MREG: variants seen among roughly 807,000 people sequenced by gnomAD.
MREG encodes dilute suppressor protein homolog.
Under a neutral mutation model 28.5 loss-of-function variants are expected in MREG, and 31 were observed. The ratio of observed to expected loss-of-function variants is 1.09; its 90% confidence interval spans 0.82 to 1.47. The LOEUF (loss-of-function observed/expected upper bound fraction) is 1.47. Ranked by LOEUF, MREG falls within the 40% of genes most tolerant of loss-of-function variation. The pLI, the probability that MREG is intolerant of heterozygous loss-of-function variation, is 0.00. For synonymous variants in MREG, 106 were observed against 95.2 expected (o/e 1.11, Z -0.66); for missense variants, 256 against 257.4 (o/e 0.99, Z 0.04).
At chr2:215,941,907 G>C (rs1304703717), downstream of MREG, among the ~76,000 whole-genome samples, 1 of 152,134 alleles carries the variant, frequency 6.6e-6, no homozygotes, top group Non-Finnish European at 1.5e-5. Flanking sequence ...TTGGGCCTCT[G>C]TTCTTCCATG....
downstream of MREG, chr2:215,941,555 G>A (rs1314501183): frequency 6.6e-6 from 1 of 152,148 alleles, no homozygotes; most frequent in African/African-American, 2.4e-5. Flanking sequence ...TAACCATAGG[G>A]ACATCATTGC....
chr2:215,975,881 T>C (rs1693243207), intron 2 of MREG, among the ~76,000 whole-genome samples: 1 of 151,192 alleles, frequency 6.6e-6, no homozygotes, highest in Admixed American at 6.6e-5. Context: ...AGGTCAGGAG[T>C]TCAAGACCAG....
chr2:216,033,289 A>G (rs1300341537), upstream of MREG, among the ~76,000 whole-genome samples: 1 of 152,154 alleles, frequency 6.6e-6, no homozygotes, highest in Non-Finnish European at 1.5e-5. Context: ...TTTCTTAAAT[A>G]AAAAATAATA....
chr2:215,976,334 T>G (rs1342189751), intron 2 of MREG, among the ~76,000 whole-genome samples: 2 of 152,200 alleles, frequency 1.3e-5, no homozygotes, highest in Non-Finnish European at 2.9e-5. Context: ...ATACATCCCT[T>G]GCTCTTAGCC....
intron 1 of MREG, among the ~76,000 whole-genome samples, chr2:216,031,778 T>C (rs1574667697): frequency 6.6e-6 from 1 of 152,166 alleles, no homozygotes; most frequent in Non-Finnish European, 1.5e-5. Context: ...CATACCAGCC[T>C]ACCTCCACTT....
chr2:215,955,386 T>C (rs940381400), intron 2 of MREG, among the ~76,000 whole-genome samples: 1 of 152,234 alleles, frequency 6.6e-6, no homozygotes, highest in Non-Finnish European at 1.5e-5. Flanking sequence ...TTGAAAAGCA[T>C]TAAGCTCCCA....
chr2:215,998,589 A>G (rs182954394), intron 1 of MREG, among the ~76,000 whole-genome samples: 93 of 152,348 alleles, frequency 6.1e-4, no homozygotes, highest in African/African-American at 2.0e-3. Context: ...GCTCAGGCAC[A>G]CTATGCTCAG....
chr2:216,007,728 C>A (rs1247712264), intron 1 of MREG, among the ~76,000 whole-genome samples: 1 of 135,008 alleles, frequency 7.4e-6, no homozygotes, highest in Non-Finnish European at 1.6e-5. Context: ...CTGCACCCAA[C>A]CCCCACTTAG....
chr2:215,977,037 C>T (rs1358013057), intron 2 of MREG, among the ~76,000 whole-genome samples: 1 of 152,118 alleles, frequency 6.6e-6, no homozygotes, highest in East Asian at 1.9e-4. Flanking sequence ...CAATATTAAC[C>T]TTAAATGTAA....
At chr2:215,957,869 A>C (rs1574599286) in intron 2 of MREG, among the ~76,000 whole-genome samples, 1 of 152,110 alleles carries the variant, frequency 6.6e-6, no homozygotes, top group East Asian at 1.9e-4. Context: ...ATGTCCAACA[A>C]TGATAGACTG....
chr2:215,972,760 A>T (rs1343121944), intron 2 of MREG, among the ~76,000 whole-genome samples: 2 of 152,180 alleles, frequency 1.3e-5, no homozygotes, highest in Non-Finnish European at 2.9e-5. Flanking sequence ...TATGTCCATT[A>T]TACCTCAATA....
intron 2 of MREG, among the ~76,000 whole-genome samples, chr2:215,951,278 C>T (rs1035678022): frequency 2.6e-5 from 4 of 152,170 alleles, no homozygotes; most frequent in African/African-American, 9.7e-5. Flanking sequence ...TACATCTCTC[C>T]ATAACTAAAG....
At chr2:215,975,674 T>C (rs6757072) in intron 2 of MREG, among the ~76,000 whole-genome samples, 8,234 of 152,234 alleles carry the variant, frequency 0.054, 466 homozygotes, top group African/African-American at 0.14. Context: ...TTCTGTACCT[T>C]CAGTCAGCTT....
chr2:215,982,972 A>G (rs949589299), intron 2 of MREG, among the ~76,000 whole-genome samples: 6 of 152,200 alleles, frequency 3.9e-5, no homozygotes, highest in African/African-American at 1.4e-4. Flanking sequence ...CTTGATTCTC[A>G]GATCCTAGTA....
At chr2:215,961,248 T>C (rs1196938024) in intron 2 of MREG, among the ~76,000 whole-genome samples, 1 of 152,224 alleles carries the variant, frequency 6.6e-6, no homozygotes, top group Non-Finnish European at 1.5e-5. Context: ...CTCACCACTC[T>C]GGAGCACTCC....
chr2:215,942,377 T>C (rs1220618158), downstream of MREG, among the ~76,000 whole-genome samples: 3 of 152,210 alleles, frequency 2.0e-5, no homozygotes. Flanking sequence ...CTGTGACATC[T>C]ACAGTGGCCA....
At chr2:215,967,579 A>T (rs1467044857) in intron 2 of MREG, among the ~76,000 whole-genome samples, 1 of 152,234 alleles carries the variant, frequency 6.6e-6, no homozygotes. Context: ...GTCTTCCTTA[A>T]AGAGGCTGCT....
intron 2 of MREG, among the ~76,000 whole-genome samples, chr2:215,994,491 C>A (rs1404728759): frequency 4.6e-5 from 7 of 151,722 alleles, no homozygotes; most frequent in East Asian, 1.9e-4. Context: ...AGCAAACCAC[C>A]ATGGCACGTG....
intron 1 of MREG, among the ~76,000 whole-genome samples, chr2:216,027,339 CAGTAG>C (rs1559202724): frequency 6.6e-6 from 1 of 152,194 alleles, no homozygotes; most frequent in Admixed American, 6.5e-5. Flanking sequence ...CACCATTACC[CAGTAG>C]AGTTCGAAGC....
Sources: allele counts gnomAD v4.1 joint callset (sites outside exome capture counted in the v4.1 genomes callset), GRCh38; gene constraint gnomAD v4.1.1; transcripts MANE v1.5; gene names NCBI Gene and HGNC (gene_info 2026-07-23, HGNC 2026-07-21).